ESR2: variants seen among roughly 807,000 people sequenced by gnomAD.
ESR2 encodes the protein estrogen receptor 2, also known as estrogen receptor beta.
Under a neutral mutation model 49.6 loss-of-function variants are expected in ESR2, and 36 were observed. The ratio of observed to expected loss-of-function variants is 0.73; its 90% CI spans 0.56 to 0.96. The LOEUF is 0.96. Ranked by LOEUF, ESR2 falls within the 40% of genes least tolerant of loss-of-function variation. ESR2 has a pLI of 0.00. For missense variants in ESR2, 714 were observed against 693.0 expected (o/e 1.03, Z -0.34); for synonymous variants, 320 against 266.1 (o/e 1.20, Z -1.97).
chr14:64,274,686 A>G (rs12436020), intron 3 of ESR2, among the ~76,000 whole-genome samples: 2,872 of 152,184 alleles, frequency 0.019, 76 homozygotes, highest in East Asian at 0.086. Flanking sequence ...GTTCTTTAAG[A>G]TACATCATTA....
At chr14:64,332,566 C>A (rs1015972080) in intron 1 of ESR2, among the ~76,000 whole-genome samples, 6 of 151,914 alleles carry the variant, frequency 3.9e-5, no homozygotes, top group African/African-American at 1.2e-4. Context: ...TTTGGGAGGC[C>A]GAGGTGGGTG....
chr14:64,246,751 A>C (rs890210862), intron 7 of ESR2, among the ~76,000 whole-genome samples: 3 of 145,860 alleles, frequency 2.1e-5, no homozygotes, highest in African/African-American at 5.3e-5. Flanking sequence ...AAAAAAAAAA[A>C]AAAAAAAAAA....
chr14:64,327,808 G>A (rs892613050), intron 1 of ESR2, among the ~76,000 whole-genome samples: 2 of 151,922 alleles, frequency 1.3e-5, no homozygotes, highest in African/African-American at 4.8e-5. Flanking sequence ...GGCAGAGGTT[G>A]CAGTGAGCTG....
intron 1 of ESR2, among the ~76,000 whole-genome samples, chr14:64,327,922 T>C (rs755616691): frequency 6.6e-6 from 1 of 151,442 alleles, no homozygotes; most frequent in Non-Finnish European, 1.5e-5. Flanking sequence ...AATATATTTC[T>C]AAGGCCGGGC....
intron 5 of ESR2, among the ~76,000 whole-genome samples, chr14:64,259,324 T>C (rs1157841948): frequency 1.3e-5 from 2 of 152,210 alleles, no homozygotes; most frequent in Non-Finnish European, 2.9e-5. Context: ...TACCCAAAAC[T>C]TCTCTTCCCC....
chr14:64,235,117 G>T lies in ESR2; in HGVS notation c.1259C>A (p.Ala420Asp). 1 of 1,614,042 alleles carries T rather than the reference G, an allele frequency of 6.2e-7. No individual in the cohort carries two copies. Residue 420 changes from alanine to aspartate, a missense_variant, in exon 8 of 9, where the codon GCT becomes GAT. Ala to Asp is a moderately radical substitution (Grantham distance 126, BLOSUM62 -2). Transcript: ENST00000341099. ...GTGAGCCAGCTTCCGGCTGCTGTCA[G>T]CATCCTGGGTCGCTGTGACCAGAGG... ...MYPLVTATQD[A>D]DSSRKLAHLL...
intron 1 of ESR2, among the ~76,000 whole-genome samples, chr14:64,290,310 A>G (rs1345515135): frequency 1.3e-5 from 2 of 152,088 alleles, no homozygotes; most frequent in Non-Finnish European, 2.9e-5. Context: ...GCCTCAAGCA[A>G]TCCTCCCACC....
intron 2 of ESR2, among the ~76,000 whole-genome samples, chr14:64,281,745 A>G (rs2076673073): frequency 6.6e-6 from 1 of 152,234 alleles, no homozygotes; most frequent in Admixed American, 6.5e-5. Context: ...CTTGCATTTA[A>G]AGAGTACACA....
chr14:64,228,028 T>C (rs1567721032), downstream of ESR2: 1 of 1,496,794 alleles, frequency 6.7e-7, no homozygotes, highest in East Asian at 2.4e-5. Context: ...AGCTGCATTT[T>C]ACTTGTATAC....
chr14:64,263,747 T>C (rs1010860954), intron 4 of ESR2, among the ~76,000 whole-genome samples: 2 of 152,112 alleles, frequency 1.3e-5, no homozygotes, highest in Non-Finnish European at 1.5e-5. Context: ...AACTGACAGA[T>C]GCAGTATTAT....
chr14:64,318,302 C>G (rs1199976922), intron 1 of ESR2, among the ~76,000 whole-genome samples: 1 of 151,602 alleles, frequency 6.6e-6, no homozygotes, highest in Admixed American at 6.6e-5. Context: ...TTTGGGAGGC[C>G]AAGGCAGGTG....
In ESR2 at chr14:64,234,563, C is replaced by T. The variant is rs144130303; in HGVS notation, c.1406+407G>A. 98 of 243,542 alleles carry T rather than the reference C, an allele frequency of 4.0e-4. No individual in the cohort carries two copies. In the East Asian group the frequency reaches 6.0e-3, roughly 15 times the overall value. The allele number at this position is 243,542 out of a possible 1,614,324, so 15.1% of individuals were successfully genotyped here. A position where few individuals can be genotyped will look rare whatever the true frequency, so the allele number is the denominator to read the frequency against. On this transcript the variant is annotated intron_variant, in intron 8 of 8. Transcript: ENST00000341099. ...TTAGGGAAGCATTTGTGCACTTCTT[C>T]GCATCACCAGCTCGAGGGGCCATCT...
At chr14:64,238,486 G>A (rs993195335) in intron 7 of ESR2, among the ~76,000 whole-genome samples, 1 of 152,116 alleles carries the variant, frequency 6.6e-6, no homozygotes, top group Admixed American at 6.5e-5. Context: ...CCATGCTGCT[G>A]CCTGGCTCTC....
At chr14:64,271,482 C>T (rs1424713144) in intron 3 of ESR2, among the ~76,000 whole-genome samples, 1 of 152,200 alleles carries the variant, frequency 6.6e-6, no homozygotes, top group Non-Finnish European at 1.5e-5. Context: ...CATGCCGCCA[C>T]ACCCAGCTAA....
At chr14:64,255,983 G>A (rs59748760) in intron 6 of ESR2, among the ~76,000 whole-genome samples, 1,582 of 152,282 alleles carry the variant, frequency 0.01, 16 homozygotes, top group Non-Finnish European at 0.017. Flanking sequence ...CTGATACCTT[G>A]GGGCATCACT....
chr14:64,246,743 A>AAAAAC (rs2075866140), intron 7 of ESR2, among the ~76,000 whole-genome samples: 1 of 140,960 alleles, frequency 7.1e-6, no homozygotes, highest in African/African-American at 2.8e-5. Flanking sequence ...TCAAAAAAAA[A>AAAAAC]AAAAAAAAAA....
At chr14:64,251,284 A>G (rs1007595211) in intron 6 of ESR2, among the ~76,000 whole-genome samples, 4 of 147,678 alleles carry the variant, frequency 2.7e-5, no homozygotes, top group African/African-American at 5.1e-5. Flanking sequence ...AAGGAAAGCT[A>G]GTTTGAAAAT....
At chr14:64,289,968 G>A (rs1040669933) in intron 1 of ESR2, among the ~76,000 whole-genome samples, 3 of 152,104 alleles carry the variant, frequency 2.0e-5, no homozygotes, top group Admixed American at 1.3e-4. Flanking sequence ...AAAAATTCAC[G>A]CTCACAAAGC....
At chr14:64,276,745 AGAAT>A (rs2076565457) in intron 3 of ESR2, among the ~76,000 whole-genome samples, 2 of 152,372 alleles carry the variant, frequency 1.3e-5, no homozygotes, top group South Asian at 4.1e-4. Flanking sequence ...ATCATAAGAT[AGAAT>A]ATTACACAGT....
Sources: allele counts gnomAD v4.1 joint callset (sites outside exome capture counted in the v4.1 genomes callset), GRCh38; gene constraint gnomAD v4.1.1; transcripts MANE v1.5; gene names NCBI Gene and HGNC (gene_info 2026-07-23, HGNC 2026-07-21).